HDAC9: variants seen among roughly 807,000 people sequenced by gnomAD.
The protein encoded by HDAC9 is MEF-2 interacting transcription repressor (MITR) protein.
Under a neutral mutation model 139.4 loss-of-function variants are expected in HDAC9, and 41 were observed. The observed-to-expected ratio is 0.29, with a 90% CI of 0.23 to 0.38. HDAC9 has a LOEUF of 0.38. Ranked by LOEUF, HDAC9 falls within the 10% of genes least tolerant of loss-of-function variation. The pLI is 1.00. For missense variants in HDAC9, 1,147 were observed against 1,297.0 expected, an observed-to-expected ratio of 0.88 and a Z score of 1.78; for synonymous variants, 517 against 476.2, an observed-to-expected ratio of 1.09 and a Z score of -1.12.
intron 2 of HDAC9, among the ~76,000 whole-genome samples, chr7:18,561,911 G>C (rs1014795232): frequency 1.3e-5 from 2 of 152,220 alleles, no homozygotes; most frequent in African/African-American, 4.8e-5. Context: ...GAGCATTCAT[G>C]TACAAGTTTT....
intron 2 of HDAC9, among the ~76,000 whole-genome samples, chr7:18,559,950 G>GT (rs1820082514): frequency 6.6e-6 from 1 of 152,126 alleles, no homozygotes; most frequent in Admixed American, 6.6e-5. Context: ...TCCTATATTT[G>GT]TTTTGATTAC....
At chr7:18,175,482 C>T (rs1316148928) in intron 2 of HDAC9, among the ~76,000 whole-genome samples, 2 of 152,166 alleles carry the variant, frequency 1.3e-5, no homozygotes, top group South Asian at 2.1e-4. Context: ...CCAACCAGTC[C>T]CAGTGAGGTG....
At chr7:18,266,335 C>G (rs940270904) in intron 2 of HDAC9, among the ~76,000 whole-genome samples, 3 of 152,112 alleles carry the variant, frequency 2.0e-5, no homozygotes, top group African/African-American at 7.2e-5. Context: ...GTGACAGGCA[C>G]TTTGGGTTCA....
chr7:18,499,809 AT>A (rs1294200522), intron 2 of HDAC9, among the ~76,000 whole-genome samples: 3 of 152,138 alleles, frequency 2.0e-5, no homozygotes, highest in Non-Finnish European at 4.4e-5. Flanking sequence ...AAGTCCTGAA[AT>A]TCTTTTATAT....
At chr7:18,384,929 G>C (rs924010582) in intron 1 of HDAC9, among the ~76,000 whole-genome samples, 1 of 152,112 alleles carries the variant, frequency 6.6e-6, no homozygotes, top group African/African-American at 2.4e-5. Context: ...CTCCTGTGAA[G>C]GATGTTAGGC....
rs1383757691 is a variant in HDAC9, at chr7:18,622,034, A to G, written c.665-7316A>G. Reference sequence around the variant, plus strand: ...CAGAAAGAACAGAGAGTGAATGAATAGGTGATAGATTATAATAAGTATTTG... The same window carrying G: ...CAGAAAGAACAGAGAGTGAATGAATGGGTGATAGATTATAATAAGTATTTG... On this transcript the variant is annotated intron_variant, in intron 6 of 25. Coordinates refer to ENST00000686413, the MANE Select transcript of HDAC9 (RefSeq NM_178425.4). 2.6e-5 allele frequency among the ~76,000 whole-genome samples: 4 copies of G among 152,200 alleles called. No individual in the cohort carries two copies. In the East Asian group the frequency reaches 7.7e-4, roughly 29 times the overall value.
chr7:18,268,311 G>A (rs942949651), intron 2 of HDAC9, among the ~76,000 whole-genome samples: 8 of 152,062 alleles, frequency 5.3e-5, no homozygotes, highest in Non-Finnish European at 8.8e-5. Context: ...TGAGATGATA[G>A]TTTCTTTGAT....
intron 17 of HDAC9, among the ~76,000 whole-genome samples, chr7:18,823,060 C>T (rs1795107687): frequency 6.6e-6 from 1 of 152,074 alleles, no homozygotes; most frequent in Admixed American, 6.5e-5. Context: ...AAAACACAGG[C>T]TATCAAAGAG....
At chr7:18,967,392 G>A (rs116711084) in intron 24 of HDAC9, among the ~76,000 whole-genome samples, 2,179 of 151,744 alleles carry the variant, frequency 0.014, 61 homozygotes, top group African/African-American at 0.05. Flanking sequence ...TAATGATACA[G>A]TGTCCTTAAT....
upstream of HDAC9, among the ~76,000 whole-genome samples, chr7:18,492,805 A>C (rs929759318): frequency 6.6e-6 from 1 of 151,986 alleles, no homozygotes; most frequent in Non-Finnish European, 1.5e-5. Context: ...TTAACTCAAC[A>C]TTCTTAATAA....
chr7:18,987,614 A>G (rs530508767), intron 25 of HDAC9, among the ~76,000 whole-genome samples: 27 of 152,156 alleles, frequency 1.8e-4, no homozygotes, highest in South Asian at 2.1e-4. Context: ...CTCTTTTTCT[A>G]TTGATTGGCA....
At chr7:18,549,501 A>G (rs1816372246) in intron 2 of HDAC9, among the ~76,000 whole-genome samples, 1 of 152,236 alleles carries the variant, frequency 6.6e-6, no homozygotes, top group Admixed American at 6.5e-5. Flanking sequence ...TGATACAGAC[A>G]ACAGCTTGGA....
At position 18,997,299 on chromosome 7, in the gene HDAC9, G is replaced by GGA. The variant is rs1491433994; in HGVS notation, c.*1237_*1238insGA. ...TAACCTAGAAGCTGTGCCTTCTTGT[G>GGA]AAAAAAAAAAAAAACAAAAACAAAA... is the stretch of plus-strand genomic sequence containing the variant. On this transcript the variant is annotated 3_prime_UTR_variant, in exon 26 of 26. Coordinates refer to ENST00000686413, the MANE Select transcript of HDAC9 (RefSeq NM_178425.4). 1.4e-5 allele frequency: 2 copies of GGA among 143,222 alleles called. No individual in the cohort carries two copies. Among genetic ancestry groups the GGA allele is most frequent in the African/African-American group, 5.1e-5 (2 of 39,432 alleles). 8.9% of individuals were successfully genotyped at this position (143,222 alleles called of 1,614,324 possible).
intron 1 of HDAC9, among the ~76,000 whole-genome samples, chr7:18,376,936 C>T (rs192572983): frequency 6.6e-6 from 1 of 151,924 alleles, no homozygotes; most frequent in African/African-American, 2.4e-5. Flanking sequence ...ATTATGGCAA[C>T]CTAAGCTGAT....
At chr7:18,345,777 T>C (rs1331654430) in intron 1 of HDAC9, among the ~76,000 whole-genome samples, 3 of 151,990 alleles carry the variant, frequency 2.0e-5, no homozygotes, top group Non-Finnish European at 4.4e-5. Flanking sequence ...TCTTTACAAG[T>C]TGGTGCTGCC....
At chr7:18,890,072 G>T (rs181859572) in intron 22 of HDAC9, among the ~76,000 whole-genome samples, 4 of 152,284 alleles carry the variant, frequency 2.6e-5, no homozygotes, top group Admixed American at 2.6e-4. Context: ...TTCCTCATAT[G>T]CAAATAGGAC....
In HDAC9 at chr7:18,874,482, A is replaced by G. The variant is rs777317519; in HGVS notation, c.2689A>G (p.Ile897Val). Reference sequence around the variant, plus strand: ...GGTTGCATTTTTACTGTGCAGGACCATCGTGAAGCCTGTGGCCAAAGAGTT... The same window carrying G: ...GGTTGCATTTTTACTGTGCAGGACCGTCGTGAAGCCTGTGGCCAAAGAGTT... ...DVEYLEAFRTIVKPVAKEFDP... is the reference protein window; with the variant it reads ...DVEYLEAFRTVVKPVAKEFDP... Residue 897 changes from isoleucine (I) to valine (V), a missense_variant, in exon 22 of 26, where the codon ATC becomes GTC. Ile to Val is a conservative substitution (Grantham distance 29). Coordinates refer to ENST00000686413, the MANE Select transcript of HDAC9 (RefSeq NM_178425.4). 1.0e-5 allele frequency: 16 copies of G among 1,579,618 alleles called. No individual in the cohort carries two copies. In the East Asian group the frequency reaches 2.5e-4, roughly 25 times the overall value.
At chr7:18,693,004 T>A (rs941936334) in intron 12 of HDAC9, among the ~76,000 whole-genome samples, 3 of 152,072 alleles carry the variant, frequency 2.0e-5, no homozygotes, top group Non-Finnish European at 2.9e-5. Context: ...GGCTTTTTAA[T>A]TTTTTATTGT....
intron 6 of HDAC9, among the ~76,000 whole-genome samples, chr7:18,610,796 C>T (rs1480928425): frequency 1.3e-5 from 2 of 152,176 alleles, no homozygotes; most frequent in East Asian, 3.8e-4. Flanking sequence ...TTTTCTGCCC[C>T]AAAACAGTGA....
Sources: gnomAD v4.1 joint callset for allele counts (sites outside exome capture counted in the v4.1 genomes callset) on GRCh38, gnomAD v4.1.1 for gene constraint, MANE v1.5 for transcripts, NCBI Gene and HGNC (gene_info 2026-07-23, HGNC 2026-07-21) for gene names.